Variants in DNAH14 observed in about 807,000 individuals in gnomAD.
The protein encoded by DNAH14 is dynein axonemal heavy chain 14.
Under a neutral mutation model 520.9 loss-of-function variants are expected in DNAH14, and 478 were observed. The observed-to-expected ratio is 0.92, with a 90% CI of 0.85 to 0.99. The LOEUF is 0.99. Ranked by LOEUF, DNAH14 falls within the 50% of genes least tolerant of loss-of-function variation. DNAH14 has a pLI of 0.00. For missense variants in DNAH14, 4,831 were observed against 5,234.5 expected (o/e 0.92, Z 2.38); for synonymous variants, 1,581 against 1,757.2 (o/e 0.90, Z 2.51).
chr1:225,117,858 T>C, intron 24 of DNAH14, 23 bp from the exon 25 acceptor site: 1 of 1,522,580 alleles, frequency 6.6e-7, no homozygotes, highest in Non-Finnish European at 8.9e-7. Context: ...ATAATATTAC[T>C]GACATTTGTT....
At chr1:225,106,841 C>T (rs2076097353) in intron 23 of DNAH14, among the ~76,000 whole-genome samples, 1 of 152,140 alleles carries the variant, frequency 6.6e-6, no homozygotes, top group Non-Finnish European at 1.5e-5. Context: ...TCCTTTAGCT[C>T]AGAATAGTTT....
chr1:225,152,061 C>T lies in DNAH14; in HGVS notation c.4997C>T (p.Thr1666Ile), dbSNP rs1164084533. Residue 1666 changes from threonine (T) to isoleucine (I), a missense_variant, in exon 32 of 86, where the codon ACC (threonine) becomes ATC (isoleucine). By Grantham distance (89) the Thr-to-Ile change is moderately conservative. Transcript: ENST00000682510. ...RINMSCAVFI[T>I]MNPRYGGGVE... The stretch of plus-strand genomic sequence containing the variant: ...AATATGTCTTGTGCGGTATTTATCA[C>T]CATGAATCCCAGGTAAGTATCAGTA... 1 of 1,549,654 alleles carries T rather than the reference C, an allele frequency of 6.5e-7. No individual in the cohort carries two copies. Among genetic ancestry groups the T allele is most frequent in the African/African-American group, 1.4e-5 (1 of 72,918 alleles).
chr1:225,093,514 G>A (rs753700635), intron 21 of DNAH14, among the ~76,000 whole-genome samples: 12 of 151,958 alleles, frequency 7.9e-5, no homozygotes, highest in East Asian at 1.9e-4. Context: ...TGACAAACCC[G>A]CAGCCAACAT....
chr1:225,188,266 A>T (rs1337686867), intron 37 of DNAH14, among the ~76,000 whole-genome samples: 2 of 151,906 alleles, frequency 1.3e-5, no homozygotes, highest in African/African-American at 4.8e-5. Context: ...TAAACACTAC[A>T]TTACAATGCC....
chr1:225,311,804 A>G (rs190853339), intron 60 of DNAH14, among the ~76,000 whole-genome samples: 17 of 152,210 alleles, frequency 1.1e-4, no homozygotes, highest in African/African-American at 4.1e-4. Context: ...ATTGGTCTAT[A>G]TATCTGTTTT....
intron 60 of DNAH14, among the ~76,000 whole-genome samples, chr1:225,312,796 A>C (rs2094394460): frequency 6.6e-6 from 1 of 152,172 alleles, no homozygotes; most frequent in African/African-American, 2.4e-5. Flanking sequence ...GATGAAGCCA[A>C]CTTGATCGTG....
intron 17 of DNAH14, among the ~76,000 whole-genome samples, chr1:225,058,974 G>C (rs2069576291): frequency 6.6e-6 from 1 of 151,800 alleles, no homozygotes. Flanking sequence ...TTTTGAATAG[G>C]TGTGGTGCTG....
intron 21 of DNAH14, among the ~76,000 whole-genome samples, chr1:225,089,462 A>AC: frequency 6.7e-6 from 1 of 148,538 alleles, no homozygotes; most frequent in Non-Finnish European, 1.5e-5. Flanking sequence ...AAAAAAAAAA[A>AC]AAAGAGAGCG....
intron 8 of DNAH14, among the ~76,000 whole-genome samples, chr1:224,976,728 C>G (rs2061874436): frequency 6.6e-6 from 1 of 150,646 alleles, no homozygotes; most frequent in Admixed American, 6.6e-5. Flanking sequence ...CCAAAAAACA[C>G]ATGAAAAAAT....
At chr1:225,284,795 G>A (rs1362092477) in intron 54 of DNAH14, among the ~76,000 whole-genome samples, 1 of 152,112 alleles carries the variant, frequency 6.6e-6, no homozygotes, top group Non-Finnish European at 1.5e-5. Flanking sequence ...TCATAAACAA[G>A]TGAGATTTAC....
chr1:225,363,015 T>TG (rs553156223), intron 75 of DNAH14, among the ~76,000 whole-genome samples: 271 of 151,100 alleles, frequency 1.8e-3, no homozygotes, highest in Non-Finnish European at 2.9e-3. Flanking sequence ...TTGTATTGTG[T>TG]TTTTTTTTCC....
intron 27 of DNAH14, among the ~76,000 whole-genome samples, chr1:225,128,639 A>G (rs1461646267): frequency 6.6e-6 from 1 of 151,760 alleles, no homozygotes; most frequent in Non-Finnish European, 1.5e-5. Flanking sequence ...AAAACTCTCA[A>G]TAAATTAGGT....
chr1:225,334,908 G>GTGTGTGTGTGTA lies in DNAH14; in HGVS notation c.10080+1403_10080+1404insGTGTGTGTGTAT, dbSNP rs58202867. On this transcript the variant is annotated intron_variant, in intron 66 of 85. Transcript: ENST00000682510. ...TATGTGTGTGTGTGTGTGTGTGTGT[G>GTGTGTGTGTGTA]TATATGTATATGTATAGCATATATC... 1.9e-3 allele frequency among the ~76,000 whole-genome samples: 277 copies of GTGTGTGTGTGTA among 146,454 alleles called. 4 individuals carry two copies. The East Asian group carries it at 0.02, about 10-fold the overall frequency.
At position 225,357,761 on chromosome 1, in the gene DNAH14, C is replaced by T. The variant is rs1349109135; in HGVS notation, c.11620-735C>T. 2.3e-5 allele frequency: 16 copies of T among 700,930 alleles called. No individual in the cohort carries two copies. The Admixed American group carries it at 2.4e-4, about 11-fold the overall frequency. 43.4% of individuals were successfully genotyped at this position (700,930 alleles called of 1,614,324 possible). A position where few individuals can be genotyped will look rare whatever the true frequency, so the allele number is the denominator to read the frequency against. ...CTTCCCATGGTCCAACCTGGTACAT[C>T]AAACAGGCACACTGACGTGTGTAGC... is the stretch of plus-strand genomic sequence containing the variant. On this transcript the variant is annotated intron_variant, in intron 73 of 85. Coordinates refer to ENST00000682510, the MANE Select transcript of DNAH14 (RefSeq NM_001367479.1).
intron 42 of DNAH14, among the ~76,000 whole-genome samples, chr1:225,231,755 G>A (rs1334553589): frequency 1.3e-5 from 2 of 152,028 alleles, no homozygotes; most frequent in Non-Finnish European, 2.9e-5. Flanking sequence ...TCTACGTCTT[G>A]ATTATGGCAT....
At chr1:225,338,291 A>C (rs997064827) in intron 68 of DNAH14, 109 bp downstream of exon 68, 1 of 1,320,458 alleles carries the variant, frequency 7.6e-7, no homozygotes, top group African/African-American at 1.5e-5. Flanking sequence ...GGAAAAAGTA[A>C]GATTGTCTTT....
chr1:225,169,770 G>A (rs1264364012), intron 36 of DNAH14, among the ~76,000 whole-genome samples: 3 of 152,086 alleles, frequency 2.0e-5, no homozygotes, highest in Non-Finnish European at 4.4e-5. Flanking sequence ...AATGGAGAAC[G>A]CCACAAAGAT....
At chr1:225,094,656 C>CAAAAAAAAAAAAA (rs760828776) in intron 21 of DNAH14, among the ~76,000 whole-genome samples, 16 of 77,836 alleles carry the variant, frequency 2.1e-4, no homozygotes, top group South Asian at 4.8e-4. Flanking sequence ...TTCTGCACAG[C>CAAAAAAAAAAAAA]AAAAAAAAAA....
intron 54 of DNAH14, among the ~76,000 whole-genome samples, chr1:225,281,355 T>G (rs2093623447): frequency 6.6e-6 from 1 of 152,124 alleles, no homozygotes; most frequent in Non-Finnish European, 1.5e-5. Flanking sequence ...TCTCTCTCTC[T>G]CTCTGATCAA....
Sources: allele counts gnomAD v4.1 joint callset (sites outside exome capture counted in the v4.1 genomes callset), GRCh38; gene constraint gnomAD v4.1.1; transcripts MANE v1.5; gene names NCBI Gene and HGNC (gene_info 2026-07-23, HGNC 2026-07-21).